Variants in TCP11L2 observed in about 807,000 individuals in gnomAD.
The protein encoded by TCP11L2 is T-complex protein 11-like protein 2.
TCP11L2 carries 39 observed loss-of-function variants against 50.7 expected under a neutral mutation model. The ratio of observed to expected loss-of-function variants is 0.77; its 90% CI spans 0.60 to 1.01. TCP11L2 has a LOEUF of 1.01. Among genes scored for constraint, TCP11L2 ranks in the 50% least tolerant of loss-of-function variants. The pLI, the probability that TCP11L2 is intolerant of heterozygous loss-of-function variation, is 0.00. For missense variants in TCP11L2, 612 were observed against 614.7 expected, an observed-to-expected ratio of 1.00 and a Z score of 0.05; for synonymous variants, 192 against 219.3, an observed-to-expected ratio of 0.88 and a Z score of 1.10.
At chr12:106,338,843 TA>T (rs1380069222) in intron 8 of TCP11L2, among the ~76,000 whole-genome samples, 2 of 152,196 alleles carry the variant, frequency 1.3e-5, no homozygotes, top group African/African-American at 4.8e-5. Flanking sequence ...TCTGACTTTT[TA>T]ATAATAGCCA....
intron 1 of TCP11L2, among the ~76,000 whole-genome samples, chr12:106,306,741 T>C (rs1284002878): frequency 1.3e-5 from 2 of 152,228 alleles, no homozygotes; most frequent in Non-Finnish European, 2.9e-5. Context: ...ACAGATACTA[T>C]TTCAGTTAAT....
At chr12:106,308,908 G>A (rs1334268496) in intron 1 of TCP11L2, among the ~76,000 whole-genome samples, 2 of 152,314 alleles carry the variant, frequency 1.3e-5, no homozygotes, top group African/African-American at 4.8e-5. Flanking sequence ...TCATGGACAA[G>A]ACACAAACTC....
At chr12:106,331,509 C>G (rs541683956) in intron 6 of TCP11L2, among the ~76,000 whole-genome samples, 3 of 152,266 alleles carry the variant, frequency 2.0e-5, no homozygotes, top group Admixed American at 1.3e-4. Flanking sequence ...CAATAATCCC[C>G]GTCTTTAAAG....
chr12:106,319,879 CAATA>C (rs1462668840), intron 4 of TCP11L2, among the ~76,000 whole-genome samples: 1 of 152,162 alleles, frequency 6.6e-6, no homozygotes, highest in Non-Finnish European at 1.5e-5. Context: ...ACTGAATAAT[CAATA>C]AATAGGCTGC....
At chr12:106,345,275 T>G (rs1015306754) in intron 9 of TCP11L2, among the ~76,000 whole-genome samples, 1 of 152,120 alleles carries the variant, frequency 6.6e-6, no homozygotes, top group Non-Finnish European at 1.5e-5. Flanking sequence ...GGATTACAGG[T>G]GTGAGCCACT....
chr12:106,311,771 A>G (rs2034862628), intron 2 of TCP11L2, among the ~76,000 whole-genome samples: 1 of 152,136 alleles, frequency 6.6e-6, no homozygotes, highest in African/African-American at 2.4e-5. Flanking sequence ...GCAAAAGGAG[A>G]TATCTTTTTC....
At chr12:106,302,281 G>A (rs996535411), upstream of TCP11L2, among the ~76,000 whole-genome samples, 1 of 150,898 alleles carries the variant, frequency 6.6e-6, no homozygotes, top group Non-Finnish European at 1.5e-5. Flanking sequence ...TTGGCCCGCG[G>A]CTTCGCCCAC....
rs575007170 is a variant in TCP11L2, at chr12:106,313,760, T to C, written c.158-598T>C. 4.1e-3 allele frequency among the ~76,000 whole-genome samples: 530 copies of C among 130,432 alleles called. 2 individuals are homozygous for C. Among genetic ancestry groups the C allele is most frequent in the Middle Eastern group, 0.013 (3 of 240 alleles). 85.6% of individuals were successfully genotyped at this position (130,432 alleles called of 152,430 possible). On this transcript the variant is annotated intron_variant, in intron 2 of 9. Coordinates refer to ENST00000299045, the MANE Select transcript of TCP11L2 (RefSeq NM_152772.3). ...TCAATGGGCACTAAAAATGAGGTAA[T>C]TTAATTTTTTTTTTTTTTTTTTTTG...
At chr12:106,337,931 C>G (rs1173899200) in intron 8 of TCP11L2, among the ~76,000 whole-genome samples, 2 of 152,078 alleles carry the variant, frequency 1.3e-5, no homozygotes, top group East Asian at 3.9e-4. Flanking sequence ...GAAATCAATA[C>G]AATCAATTCT....
At chr12:106,302,330 AG>A (rs1472004453), upstream of TCP11L2, among the ~76,000 whole-genome samples, 1 of 7,424 alleles carries the variant, frequency 1.3e-4, no homozygotes, top group Non-Finnish European at 2.6e-4. Context: ...CCCCCCGCTC[AG>A]CCCCCGCTCA....
chr12:106,327,665 A>G (rs2035605336), intron 6 of TCP11L2, among the ~76,000 whole-genome samples: 1 of 152,182 alleles, frequency 6.6e-6, no homozygotes, highest in Non-Finnish European at 1.5e-5. Flanking sequence ...TTATGTCCCC[A>G]AGTCACTCTG....
chr12:106,329,313 C>A (rs1443512922), intron 6 of TCP11L2: 32 of 1,535,958 alleles, frequency 2.1e-5, no homozygotes, highest in Non-Finnish European at 2.4e-5. Context: ...TGGAAAAATT[C>A]TTAATCCTGT....
At chr12:106,337,865 T>C (rs12370804) in intron 8 of TCP11L2, among the ~76,000 whole-genome samples, 4,299 of 152,330 alleles carry the variant, frequency 0.028, 89 homozygotes, top group Non-Finnish European at 0.039. Flanking sequence ...CTCTTTATAA[T>C]TGTATCTGGT....
At chr12:106,312,341 G>T (rs1417082746) in intron 2 of TCP11L2, 2 of 1,059,294 alleles carry the variant, frequency 1.9e-6, no homozygotes, top group South Asian at 1.4e-5. Context: ...AAGACTTTTG[G>T]ATATCACTGG....
At position 106,346,573 on chromosome 12, in the gene TCP11L2, T is replaced by C; in HGVS notation, c.*43T>C. On this transcript the variant is annotated 3_prime_UTR_variant, in exon 10 of 10. Transcript: ENST00000299045. The stretch of plus-strand genomic sequence containing the variant: ...ACGAGAGATTGGAAATCCAGTACTT[T>C]GGTATCCAGTCCACTTCCATTGATG... 1 of 1,580,246 alleles carries C rather than the reference T, an allele frequency of 6.3e-7. No individual in the cohort carries two copies. Among genetic ancestry groups the C allele is most frequent in the Non-Finnish European group, 8.6e-7 (1 of 1,166,292 alleles).
Position 106,323,488 on chromosome 12 carries a change from A to C in TCP11L2, c.636-22A>C, listed in dbSNP as rs755674671. On this transcript the variant is annotated intron_variant, in intron 5 of 9. Coordinates refer to ENST00000299045, the MANE Select transcript of TCP11L2 (RefSeq NM_152772.3). ...AGCTTCACTTCTTAATCATCTCTCT[A>C]TTTTAATTCTAAAATTTTTAGACAA... The C allele has an allele frequency of 9.1e-6, 14 of 1,533,924 alleles. No individual in the cohort carries two copies. The African/African-American group carries it at 9.8e-5, about 11-fold the overall frequency.
chr12:106,333,272 A>G (rs2035803159), intron 6 of TCP11L2, among the ~76,000 whole-genome samples: 1 of 152,192 alleles, frequency 6.6e-6, no homozygotes, highest in Non-Finnish European at 1.5e-5. Flanking sequence ...ACAACTTCTT[A>G]AGTCTTTTAT....
chr12:106,318,565 C>G, intron 4 of TCP11L2, 101 bp downstream of exon 4: 1 of 1,461,794 alleles, frequency 6.8e-7, no homozygotes, highest in African/African-American at 1.4e-5. Flanking sequence ...TAGAAATTTA[C>G]TTCTCACAGT....
At chr12:106,300,547 G>T (rs2034392684), upstream of TCP11L2, among the ~76,000 whole-genome samples, 1 of 152,074 alleles carries the variant, frequency 6.6e-6, no homozygotes, top group Non-Finnish European at 1.5e-5. Flanking sequence ...AGCCAGGATG[G>T]TCTCGATCTC....
Sources: allele counts gnomAD v4.1 joint callset (sites outside exome capture counted in the v4.1 genomes callset), GRCh38; gene constraint gnomAD v4.1.1; transcripts MANE v1.5; gene names NCBI Gene and HGNC (gene_info 2026-07-23, HGNC 2026-07-21).